Variants in ADGRL3 observed in about 807,000 individuals in gnomAD.
ADGRL3 encodes adhesion G protein-coupled receptor L3, also known as calcium-independent alpha-latrotoxin receptor 3.
In ADGRL3, 62 loss-of-function variants were observed where a neutral mutation model predicts 153.5. That is an observed-to-expected ratio of 0.40 (90% CI 0.33 to 0.50). The LOEUF (loss-of-function observed/expected upper bound fraction) is 0.50. Ranked by LOEUF, ADGRL3 falls within the 20% of genes least tolerant of loss-of-function variation. The probability of loss-of-function intolerance (pLI) is 0.47; values close to 1 mark genes in which losing one functional copy is unlikely to be tolerated. For missense variants in ADGRL3, 1,641 were observed against 1,859.4 expected (o/e 0.88, Z 2.16); for synonymous variants, 710 against 672.5 (o/e 1.06, Z -0.86).
At chr4:61,722,260 T>A (rs1375077454) in intron 6 of ADGRL3, among the ~76,000 whole-genome samples, 1 of 152,224 alleles carries the variant, frequency 6.6e-6, no homozygotes, top group African/African-American at 2.4e-5. Context: ...AGTTAGTTTA[T>A]TTCTGATAGA....
chr4:61,444,517 C>G (rs1055083053), intron 2 of ADGRL3, among the ~76,000 whole-genome samples: 2 of 152,086 alleles, frequency 1.3e-5, no homozygotes, highest in African/African-American at 4.8e-5. Context: ...ACTTTTGATG[C>G]ACCAAAACCA....
chr4:61,547,703 T>C (rs2098720449), intron 4 of ADGRL3, among the ~76,000 whole-genome samples: 1 of 152,166 alleles, frequency 6.6e-6, no homozygotes, highest in African/African-American at 2.4e-5. Flanking sequence ...TGAATACTGC[T>C]GCAGTGAATA....
At chr4:61,540,974 T>A (rs949038115) in intron 4 of ADGRL3, among the ~76,000 whole-genome samples, 2 of 152,072 alleles carry the variant, frequency 1.3e-5, no homozygotes, top group Non-Finnish European at 2.9e-5. Flanking sequence ...GCTGTATATG[T>A]TTAGTCACAA....
intron 11 of ADGRL3, among the ~76,000 whole-genome samples, chr4:61,908,542 A>C (rs2098707069): frequency 6.7e-6 from 1 of 148,170 alleles, no homozygotes; most frequent in Non-Finnish European, 1.5e-5. Context: ...CAGGAGGCAG[A>C]GGTTGCAGTG....
At chr4:61,259,160 A>C (rs145594310) in intron 1 of ADGRL3, among the ~76,000 whole-genome samples, 9,576 of 152,178 alleles carry the variant, frequency 0.063, 322 homozygotes, top group Non-Finnish European at 0.091. Flanking sequence ...TGCGGTGGCT[A>C]ACGCCTGTAA....
rs547090008 is a variant in ADGRL3 at position 61,927,583 on chromosome 4, T to C, written c.2113-7257T>C. 3.9e-4 allele frequency among the ~76,000 whole-genome samples: 60 copies of C among 152,224 alleles called. 1 individual carries two copies. In the South Asian group the frequency reaches 0.011, roughly 27 times the overall value. On this transcript the variant is annotated intron_variant, in intron 13 of 26. Coordinates refer to ENST00000683033, the MANE Select transcript of ADGRL3 (RefSeq NM_001387552.1). ...TATACTTAATAATATTAAATGACAG[T>C]GGTTATAAAAAGTACCTTAGGTTTA...
At chr4:61,273,342 A>T (rs1243240769) in intron 1 of ADGRL3, among the ~76,000 whole-genome samples, 2 of 152,160 alleles carry the variant, frequency 1.3e-5, no homozygotes, top group Non-Finnish European at 2.9e-5. Flanking sequence ...TGGGAGAGGC[A>T]AGTCACTGCT....
At chr4:61,579,760 T>G (rs924711340) in intron 4 of ADGRL3, 1 of 296,510 alleles carries the variant, frequency 3.4e-6, no homozygotes, top group African/African-American at 2.3e-5. Context: ...TTGGTTATTC[T>G]TTTTTAATTG....
intron 5 of ADGRL3, among the ~76,000 whole-genome samples, chr4:61,653,625 C>CT (rs890095028): frequency 2.6e-5 from 4 of 152,122 alleles, no homozygotes; most frequent in African/African-American, 7.2e-5. Flanking sequence ...TTCTTTTGTC[C>CT]TTTGTATTGG....
chr4:61,703,579 T>A (rs2151344301), intron 6 of ADGRL3, among the ~76,000 whole-genome samples: 1 of 151,676 alleles, frequency 6.6e-6, no homozygotes, highest in Admixed American at 6.6e-5. Context: ...AGTTAAAAAA[T>A]GAAGTATTAG....
chr4:61,690,084 C>A (rs529593938), intron 6 of ADGRL3, among the ~76,000 whole-genome samples: 1 of 152,018 alleles, frequency 6.6e-6, no homozygotes, highest in African/African-American at 2.4e-5. Context: ...CTTTTCTGGG[C>A]GTAGTTTTTA....
intron 9 of ADGRL3, among the ~76,000 whole-genome samples, chr4:61,860,862 A>G (rs1448435311): frequency 6.6e-6 from 1 of 152,200 alleles, no homozygotes; most frequent in Admixed American, 6.5e-5. Context: ...AGCCTTAGCA[A>G]GTGCAAAGTA....
At chr4:61,274,124 G>T (rs866231265) in intron 1 of ADGRL3, among the ~76,000 whole-genome samples, 7 of 152,218 alleles carry the variant, frequency 4.6e-5, no homozygotes, top group African/African-American at 1.7e-4. Context: ...GGAAGAAGCT[G>T]CTGTACTTTG....
intron 9 of ADGRL3, among the ~76,000 whole-genome samples, chr4:61,817,450 C>T (rs548358965): frequency 3.3e-5 from 5 of 152,290 alleles, no homozygotes; most frequent in Admixed American, 1.3e-4. Flanking sequence ...CTTGGACAGA[C>T]GTTGGGATGA....
At chr4:61,308,796 T>C (rs1304418184) in intron 1 of ADGRL3, among the ~76,000 whole-genome samples, 5 of 152,184 alleles carry the variant, frequency 3.3e-5, no homozygotes, top group African/African-American at 1.2e-4. Flanking sequence ...TGAAACCTTC[T>C]CATCATTAGT....
At chr4:61,313,421 C>G (rs1357397721) in intron 1 of ADGRL3, among the ~76,000 whole-genome samples, 3 of 152,060 alleles carry the variant, frequency 2.0e-5, no homozygotes, top group Non-Finnish European at 4.4e-5. Flanking sequence ...ATTGGCTCAT[C>G]AGCAGTAAAA....
chr4:61,271,222 C>T (rs1035850796), intron 1 of ADGRL3, among the ~76,000 whole-genome samples: 3 of 151,848 alleles, frequency 2.0e-5, no homozygotes, highest in Non-Finnish European at 4.4e-5. Flanking sequence ...TTGCTCTTCA[C>T]AGTTGTATAG....
At chr4:61,686,724 C>T (rs994418252) in intron 6 of ADGRL3, among the ~76,000 whole-genome samples, 2 of 152,034 alleles carry the variant, frequency 1.3e-5, no homozygotes, top group African/African-American at 4.8e-5. Flanking sequence ...TGCAATAGAA[C>T]AACAAAGCTT....
At chr4:62,025,786 A>G (rs965649392) in intron 21 of ADGRL3, among the ~76,000 whole-genome samples, 6 of 152,142 alleles carry the variant, frequency 3.9e-5, no homozygotes, top group Admixed American at 1.3e-4. Flanking sequence ...CCACATTTTT[A>G]CAAAATTCTT....
Sources: allele counts gnomAD v4.1 joint callset (sites outside exome capture counted in the v4.1 genomes callset), GRCh38; gene constraint gnomAD v4.1.1; transcripts MANE v1.5; gene names NCBI Gene and HGNC (gene_info 2026-07-23, HGNC 2026-07-21).